Variants in EHMT1 observed in about 807,000 individuals in gnomAD.
EHMT1 encodes the protein histone-lysine N-methyltransferase EHMT1.
In EHMT1, 15 loss-of-function variants were observed where a neutral mutation model predicts 147.2. The ratio of observed to expected loss-of-function variants is 0.10; its 90% confidence interval spans 0.07 to 0.16. The LOEUF (loss-of-function observed/expected upper bound fraction) is 0.16, where lower values mean the gene tolerates loss of function less well. Ranked by LOEUF, EHMT1 falls within the 10% of genes least tolerant of loss-of-function variation. EHMT1 has a pLI of 1.00. For synonymous variants in EHMT1, 795 were observed against 709.6 expected (o/e 1.12, Z -1.91); for missense variants, 1,587 against 1,772.4 (o/e 0.90, Z 1.88).
intron 1 of EHMT1, among the ~76,000 whole-genome samples, chr9:137,659,397 AAATT>A (rs59168383): frequency 1.1e-4 from 17 of 151,070 alleles, no homozygotes; most frequent in East Asian, 5.8e-4. Flanking sequence ...TGTATTTCTA[AAATT>A]AATTAATTAA....
chr9:137,694,118 C>CA (rs1330326339), intron 1 of EHMT1, among the ~76,000 whole-genome samples: 2 of 108,202 alleles, frequency 1.8e-5, no homozygotes, highest in Non-Finnish European at 3.9e-5. Context: ...GGCCGATACC[C>CA]CCACACAGTG....
At chr9:137,759,318 A>G (rs1181574106) in intron 9 of EHMT1, among the ~76,000 whole-genome samples, 1 of 152,208 alleles carries the variant, frequency 6.6e-6, no homozygotes, top group African/African-American at 2.4e-5. Context: ...TCAGTTCTCT[A>G]AACTTGCTTT....
chr9:137,803,193 T>G, intron 18 of EHMT1: 1 of 1,199,264 alleles, frequency 8.3e-7, no homozygotes, highest in South Asian at 4.3e-5. Flanking sequence ...AGTTTGTTAT[T>G]TATACAATGA....
rs1045753654 is a variant in EHMT1 at position 137,752,390 on chromosome 9, C to T, written c.1230C>T (p.Gly410=). The change falls in exon 7 of 27, where the codon GGC becomes GGT. Residue 410 remains glycine (G), a synonymous_variant. Transcript: ENST00000460843. Reference sequence around the variant, plus strand: ...TGGACACCGGGGAGGAGGAGGAAGGCGGTGACGAGTCTGACCTGGTAATGC... The same window carrying T: ...TGGACACCGGGGAGGAGGAGGAAGGTGGTGACGAGTCTGACCTGGTAATGC... The part of the protein sequence containing the change: ...ESVDTGEEEE[G]GDESDLSSES... 7 of 1,613,846 alleles carry T rather than the reference C, an allele frequency of 4.3e-6. No individual in the cohort carries two copies. Among genetic ancestry groups the T allele is most frequent in the Non-Finnish European group, 5.9e-6 (7 of 1,179,954 alleles).
intron 1 of EHMT1, among the ~76,000 whole-genome samples, chr9:137,653,660 C>A (rs1938110619): frequency 1.3e-5 from 2 of 152,116 alleles, no homozygotes; most frequent in South Asian, 2.1e-4. Flanking sequence ...TCCCGAGTAG[C>A]TGGGATGACA....
At chr9:137,788,118 C>T (rs1215226045) in intron 15 of EHMT1, 1 of 1,289,524 alleles carries the variant, frequency 7.8e-7, no homozygotes, top group Non-Finnish European at 1.0e-6. Flanking sequence ...CCACAGAGGC[C>T]TCTCAGAGGA....
chr9:137,796,125 C>T (rs1425106835), intron 16 of EHMT1, among the ~76,000 whole-genome samples: 2 of 152,192 alleles, frequency 1.3e-5, no homozygotes, highest in East Asian at 1.9e-4. Context: ...AACACGAAGA[C>T]GCCAGCCAGG....
chr9:137,754,808 C>T (rs897589645), intron 8 of EHMT1, among the ~76,000 whole-genome samples: 11 of 152,190 alleles, frequency 7.2e-5, no homozygotes, highest in South Asian at 2.1e-4. Context: ...TGAGCCACTG[C>T]GCCCGGCCCC....
At chr9:137,822,984 G>A (rs1309137379) in intron 25 of EHMT1, among the ~76,000 whole-genome samples, 2 of 151,742 alleles carry the variant, frequency 1.3e-5, no homozygotes, top group Non-Finnish European at 2.9e-5. Flanking sequence ...AGGCTGGAAT[G>A]CAGTGGCACA....
At chr9:137,733,006 A>C (rs1201755486) in intron 4 of EHMT1, among the ~76,000 whole-genome samples, 1 of 152,194 alleles carries the variant, frequency 6.6e-6, no homozygotes, top group African/African-American at 2.4e-5. Context: ...TTCAACGTGC[A>C]TTGTACTCCT....
intron 1 of EHMT1, among the ~76,000 whole-genome samples, chr9:137,656,434 A>G (rs1406210666): frequency 6.6e-6 from 1 of 152,220 alleles, no homozygotes; most frequent in Non-Finnish European, 1.5e-5. Flanking sequence ...CTGGAAGGAA[A>G]TGGGAGATTT....
At chr9:137,716,558 G>GT (rs1395830305) in intron 2 of EHMT1, 68 bp from the exon 3 acceptor site, 7 of 1,301,040 alleles carry the variant, frequency 5.4e-6, no homozygotes, top group African/African-American at 1.5e-5. Context: ...GGGGGAGGAA[G>GT]TGGTGGTGGT....
At chr9:137,696,168 A>G (rs1342984323) in intron 1 of EHMT1, among the ~76,000 whole-genome samples, 3 of 152,236 alleles carry the variant, frequency 2.0e-5, no homozygotes, top group Non-Finnish European at 4.4e-5. Flanking sequence ...GGGAAAAGAA[A>G]ATCTCTCAGA....
chr9:137,635,211 T>C (rs1380714019), intron 1 of EHMT1, among the ~76,000 whole-genome samples: 1 of 151,688 alleles, frequency 6.6e-6, no homozygotes, highest in Non-Finnish European at 1.5e-5. Context: ...TATTTTATTT[T>C]ATTTATTTAT....
Position 137,834,909 on chromosome 9 carries a change from G to A in EHMT1, c.3853G>A (p.Gly1285Ser), listed in dbSNP as rs758900811. 4 of 1,592,508 alleles carry A rather than the reference G, an allele frequency of 2.5e-6. No individual in the cohort carries two copies. The highest frequency in any genetic ancestry group is 1.1e-5 in the South Asian group (1 of 89,682). ...CGCGGCCCAGGAGGCCCAGGAGGAC[G>A]GCTTGCCCGACACCAGCTCCGCGGC... Reference protein sequence around the residue: ...ASAAQEAQEDGLPDTSSAAAA... With the variant: ...ASAAQEAQEDSLPDTSSAAAA... The change falls in exon 27 of 27, where the codon GGC (glycine) becomes AGC (serine). Residue 1285 changes from glycine (G) to serine (S), a missense_variant. Gly to Ser is a moderately conservative substitution (Grantham distance 56). This residue lies in a region of EHMT1 where 141 missense variants were observed against 150.8 expected (regional missense o/e 0.94). Coordinates refer to ENST00000460843, the MANE Select transcript of EHMT1 (RefSeq NM_024757.5).
intron 1 of EHMT1, among the ~76,000 whole-genome samples, chr9:137,669,704 A>T (rs1388850332): frequency 1.3e-5 from 2 of 152,016 alleles, no homozygotes; most frequent in African/African-American, 4.8e-5. Context: ...TGTAAAAAAA[A>T]GCTTTGCTTT....
At chr9:137,832,030 C>T (rs1321030125) in intron 25 of EHMT1, among the ~76,000 whole-genome samples, 1 of 147,020 alleles carries the variant, frequency 6.8e-6, no homozygotes, top group South Asian at 2.2e-4. Context: ...TGCACTTCGC[C>T]CCAGTCCTAG....
At chr9:137,676,677 C>A (rs1301063044) in intron 1 of EHMT1, among the ~76,000 whole-genome samples, 5 of 152,240 alleles carry the variant, frequency 3.3e-5, no homozygotes, top group Admixed American at 3.3e-4. Context: ...AACCTGCCCA[C>A]AGGGGACTGG....
intron 16 of EHMT1, among the ~76,000 whole-genome samples, chr9:137,791,264 G>A (rs1952505280): frequency 6.6e-6 from 1 of 152,130 alleles, no homozygotes; most frequent in Non-Finnish European, 1.5e-5. Flanking sequence ...TCAGCCCAGA[G>A]CAATTAGGCA....
Sources: allele counts gnomAD v4.1 joint callset (sites outside exome capture counted in the v4.1 genomes callset), GRCh38; gene constraint gnomAD v4.1.1; regional missense constraint gnomAD v4.1.1; transcripts MANE v1.5; gene names NCBI Gene and HGNC (gene_info 2026-07-23, HGNC 2026-07-21).